SCNN1B: variants seen among roughly 807,000 people sequenced by gnomAD.
SCNN1B encodes epithelial sodium channel subunit beta.
In SCNN1B, 46 loss-of-function variants were observed where a neutral mutation model predicts 65.3. The observed-to-expected ratio is 0.70, with a 90% confidence interval of 0.56 to 0.90. The LOEUF (loss-of-function observed/expected upper bound fraction) is 0.90. SCNN1B is among the 40% of genes least tolerant of loss of function. The pLI is 0.00. For synonymous variants in SCNN1B, 349 were observed against 330.6 expected, an observed-to-expected ratio of 1.06 and a Z score of -0.60; for missense variants, 751 against 830.5, an observed-to-expected ratio of 0.90 and a Z score of 1.18.
chr16:23,358,229 C>G (rs1005941189), intron 4 of SCNN1B: 2 of 152,186 alleles, frequency 1.3e-5, no homozygotes, highest in African/African-American at 4.8e-5. Context: ...CGGGTGGTCC[C>G]CCAAGGGAAG....
chr16:23,319,053 T>C (rs1961533275), intron 1 of SCNN1B, among the ~76,000 whole-genome samples: 1 of 151,830 alleles, frequency 6.6e-6, no homozygotes. Flanking sequence ...TTGTTTTTTT[T>C]TTTTTTGAGA....
upstream of SCNN1B, among the ~76,000 whole-genome samples, chr16:23,301,359 C>CAAAAAAA (rs369302758): frequency 2.7e-4 from 33 of 120,394 alleles, no homozygotes; most frequent in African/African-American, 6.6e-4. Flanking sequence ...GAGACTCTGT[C>CAAAAAAA]AAAAAAAAAA....
chr16:23,327,450 C>T (rs1961719698), intron 1 of SCNN1B, among the ~76,000 whole-genome samples: 1 of 152,100 alleles, frequency 6.6e-6, no homozygotes, highest in African/African-American at 2.4e-5. Context: ...GAGAGAATCA[C>T]TTGAACCCAG....
At chr16:23,346,716 C>G (rs1962197821) in intron 1 of SCNN1B, among the ~76,000 whole-genome samples, 1 of 145,062 alleles carries the variant, frequency 6.9e-6, no homozygotes, top group Admixed American at 6.9e-5. Context: ...TCCCTCCCCA[C>G]TTCAGCCTTC....
At chr16:23,357,419 C>T (rs1962442987) in intron 4 of SCNN1B, among the ~76,000 whole-genome samples, 1 of 152,200 alleles carries the variant, frequency 6.6e-6, no homozygotes, top group South Asian at 2.1e-4. Flanking sequence ...CTTGTCTCTA[C>T]TAAAAATACA....
Position 23,343,643 on chromosome 16 carries a change from GAAAGAAAAAAAGA to G in SCNN1B, c.-8-4946_-8-4934del, listed in dbSNP as rs1268655441. On this transcript the variant is annotated intron_variant, in intron 1 of 12. Coordinates refer to ENST00000343070, the MANE Select transcript of SCNN1B (RefSeq NM_000336.3). Reference sequence around the variant, plus strand: ...AGAAAGAAAGAAAGAAAGAAAGAAAGAAAGAAAAAAAGAAAGGAAGGAAGGAAGAAAAAAAAAA... The same window carrying G: ...AGAAAGAAAGAAAGAAAGAAAGAAAGAAGGAAGGAAGGAAGAAAAAAAAAA... Among the ~76,000 whole-genome samples the G allele has an allele frequency of 2.4e-3, 263 of 108,330 alleles. 5 individuals carry two copies. Among genetic ancestry groups the G allele is most frequent in the Middle Eastern group, 9.3e-3 (2 of 214 alleles). 71.1% of individuals were successfully genotyped at this position (108,330 alleles called of 152,430 possible). A position where few individuals can be genotyped will look rare whatever the true frequency, so the allele number is the denominator to read the frequency against.
At chr16:23,333,135 G>GAGGGAGGGAGGA (rs1596844493) in intron 1 of SCNN1B, among the ~76,000 whole-genome samples, 2 of 88,160 alleles carry the variant, frequency 2.3e-5, no homozygotes, top group African/African-American at 1.1e-4. Flanking sequence ...GGGAGGGAGG[G>GAGGGAGGGAGGA]AGGAAGGAAG....
chr16:23,352,593 C>T (rs540642477), intron 2 of SCNN1B, among the ~76,000 whole-genome samples: 29 of 152,278 alleles, frequency 1.9e-4, no homozygotes, highest in African/African-American at 5.5e-4. Flanking sequence ...CTTCACCTTC[C>T]GCCATGATTG....
chr16:23,338,693 G>A (rs1223921602), intron 1 of SCNN1B, among the ~76,000 whole-genome samples: 1 of 152,120 alleles, frequency 6.6e-6, no homozygotes, highest in Admixed American at 6.6e-5. Context: ...GGTGAGCTGG[G>A]AACACACTAC....
chr16:23,340,160 T>C (rs1962026369), intron 1 of SCNN1B, among the ~76,000 whole-genome samples: 1 of 152,250 alleles, frequency 6.6e-6, no homozygotes, highest in East Asian at 1.9e-4. Context: ...TGTCTTATTA[T>C]TTAGTTGTAA....
intron 1 of SCNN1B, among the ~76,000 whole-genome samples, chr16:23,309,149 A>G (rs1961284474): frequency 6.6e-6 from 1 of 152,058 alleles, no homozygotes; most frequent in Non-Finnish European, 1.5e-5. Flanking sequence ...TTTTTCAGAT[A>G]GAAAAGTTGC....
rs5816209 is a variant in SCNN1B, at chr16:23,287,007, G to GT, written n.178+3217dup. ...TTGCTGTTGTTGTTGTTGCTGGGTT[G>GT]TTTTTTTTTTTTTTGAGACAGAGTT... On this transcript the variant is annotated intron_variant and non_coding_transcript_variant, in intron 2 of 3. Coordinates refer to the SCNN1B transcript ENST00000569789. Among the ~76,000 whole-genome samples, 913 of 138,678 alleles carry GT rather than the reference G, an allele frequency of 6.6e-3. 10 individuals are homozygous for GT. The highest frequency in any genetic ancestry group is 0.017 in the African/African-American group (627 of 37,378). 91.0% of individuals were successfully genotyped at this position (138,678 alleles called of 152,430 possible). A position where few individuals can be genotyped will look rare whatever the true frequency, so the allele number is the denominator to read the frequency against.
chr16:23,343,015 A>G (rs1275390661), intron 1 of SCNN1B, among the ~76,000 whole-genome samples: 1 of 152,240 alleles, frequency 6.6e-6, no homozygotes, highest in Non-Finnish European at 1.5e-5. Context: ...AAAAAATGCT[A>G]AAACAAATAG....
intron 1 of SCNN1B, among the ~76,000 whole-genome samples, chr16:23,340,323 T>A (rs1962029557): frequency 1.3e-5 from 2 of 152,234 alleles, no homozygotes; most frequent in East Asian, 1.9e-4. Context: ...AAGTTTCTTA[T>A]GATTCATGAT....
chr16:23,320,645 G>A (rs1041674540), intron 1 of SCNN1B, among the ~76,000 whole-genome samples: 1 of 152,232 alleles, frequency 6.6e-6, no homozygotes, highest in African/African-American at 2.4e-5. Context: ...CCATTCCAGG[G>A]GGTTCTGATC....
chr16:23,377,123 G>C (rs769075499), intron 8 of SCNN1B, 42 bp from the exon 9 acceptor site: 1 of 1,581,550 alleles, frequency 6.3e-7, no homozygotes, highest in Non-Finnish European at 8.7e-7. Flanking sequence ...CACCTAAAAA[G>C]CCCCCTTAAA....
At chr16:23,354,449 G>A (rs533645999) in intron 3 of SCNN1B, among the ~76,000 whole-genome samples, 9 of 152,356 alleles carry the variant, frequency 5.9e-5, no homozygotes, top group South Asian at 2.1e-4. Flanking sequence ...CAGCAGCCTC[G>A]TGGCCAAGGC....
At position 23,367,971 on chromosome 16, in the gene SCNN1B, T is replaced by C; in HGVS notation, c.880+12T>C. ...TGGAACTGAATTCGGTGAGTTTTGGTTTATCGTGGGGCCAGAGCCATGAGG... is the reference window on the plus strand; with the variant it reads ...TGGAACTGAATTCGGTGAGTTTTGGCTTATCGTGGGGCCAGAGCCATGAGG... On this transcript the variant is annotated intron_variant, in intron 5 of 12. Coordinates refer to ENST00000343070, the MANE Select transcript of SCNN1B (RefSeq NM_000336.3). The C allele has an allele frequency of 6.3e-7, 1 of 1,595,564 alleles. No homozygotes were observed. The highest frequency in any genetic ancestry group is 8.6e-7 in the Non-Finnish European group (1 of 1,163,162).
At chr16:23,317,559 G>A (rs768133376) in intron 1 of SCNN1B, among the ~76,000 whole-genome samples, 2 of 152,124 alleles carry the variant, frequency 1.3e-5, no homozygotes, top group African/African-American at 2.4e-5. Flanking sequence ...CCGCCAATCC[G>A]GTCTGAGAGA....
Sources: gnomAD v4.1 joint callset for allele counts (sites outside exome capture counted in the v4.1 genomes callset) on GRCh38, gnomAD v4.1.1 for gene constraint, MANE v1.5 for transcripts, NCBI Gene and HGNC (gene_info 2026-07-23, HGNC 2026-07-21) for gene names.